Variants in WWOX observed in about 807,000 individuals in gnomAD.
WWOX encodes the protein WW domain-containing oxidoreductase.
Under a neutral mutation model 46.2 loss-of-function variants are expected in WWOX, and 69 were observed. The ratio of observed to expected loss-of-function variants is 1.49; its 90% CI spans 1.23 to 1.82. WWOX has a LOEUF of 1.82. Ranked by LOEUF, WWOX falls within the 40% of genes most tolerant of loss-of-function variation. The pLI is 0.00. For synonymous variants in WWOX, 359 were observed against 202.6 expected (o/e 1.77, Z -6.56); for missense variants, 919 against 542.6 (o/e 1.69, Z -6.89).
At chr16:79,157,022 C>T (rs976419412) in intron 8 of WWOX, among the ~76,000 whole-genome samples, 3 of 152,180 alleles carry the variant, frequency 2.0e-5, no homozygotes, top group Non-Finnish European at 2.9e-5. Flanking sequence ...GCACAGGGCA[C>T]ATGGTAAAAT....
intron 6 of WWOX, among the ~76,000 whole-genome samples, chr16:78,395,533 G>C (rs985754411): frequency 1.3e-5 from 2 of 151,994 alleles, no homozygotes; most frequent in African/African-American, 4.8e-5. Context: ...GAAAAAGAGA[G>C]AGAAGGGCAG....
At chr16:78,768,015 G>C (rs2142509383) in intron 8 of WWOX, among the ~76,000 whole-genome samples, 1 of 151,936 alleles carries the variant, frequency 6.6e-6, no homozygotes, top group South Asian at 2.1e-4. Flanking sequence ...GTAATTGAAA[G>C]AGACAGTTGT....
At chr16:78,734,542 A>G (rs1308968451) in intron 8 of WWOX, among the ~76,000 whole-genome samples, 6 of 152,144 alleles carry the variant, frequency 3.9e-5, no homozygotes, top group Admixed American at 3.3e-4. Flanking sequence ...CTTGGACCTC[A>G]CTGAACTTGA....
At chr16:78,443,669 C>G (rs1340727214) in intron 8 of WWOX, among the ~76,000 whole-genome samples, 1 of 152,172 alleles carries the variant, frequency 6.6e-6, no homozygotes, top group Non-Finnish European at 1.5e-5. Flanking sequence ...ATTTAATGAA[C>G]ATTTAACCAA....
intron 4 of WWOX, among the ~76,000 whole-genome samples, chr16:78,138,788 A>G (rs1268706671): frequency 4.6e-5 from 7 of 152,194 alleles, no homozygotes; most frequent in African/African-American, 1.7e-4. Context: ...GTCCCAGCGA[A>G]GTGCTTAATG....
intron 8 of WWOX, among the ~76,000 whole-genome samples, chr16:78,819,541 G>C (rs909573039): frequency 2.0e-5 from 3 of 152,160 alleles, no homozygotes; most frequent in Admixed American, 1.3e-4. Flanking sequence ...AAATGTGATG[G>C]CAGAACTGCC....
intron 8 of WWOX, among the ~76,000 whole-genome samples, chr16:79,170,291 G>A (rs985462647): frequency 6.6e-6 from 1 of 152,152 alleles, no homozygotes; most frequent in African/African-American, 2.4e-5. Flanking sequence ...TTATAGTTGA[G>A]GAAATAGAGG....
intron 6 of WWOX, among the ~76,000 whole-genome samples, chr16:78,408,162 C>T (rs577248456): frequency 8.5e-5 from 13 of 152,246 alleles, no homozygotes; most frequent in African/African-American, 2.4e-4. Flanking sequence ...GTTAAATCCT[C>T]GGACCAGATT....
At position 78,288,783 on chromosome 16, in the gene WWOX, G is replaced by C. The variant is rs138697879; in HGVS notation, c.517-98077G>C. Reference sequence around the variant, plus strand: ...GTCATAATTTATAGGCCCAGTCAGCGCATCATTGCTCAGATAGAGTCATTT... The same window carrying C: ...GTCATAATTTATAGGCCCAGTCAGCCCATCATTGCTCAGATAGAGTCATTT... On this transcript the variant is annotated intron_variant, in intron 5 of 8. Coordinates refer to ENST00000566780, the MANE Select transcript of WWOX (RefSeq NM_016373.4). 4.2e-3 allele frequency among the ~76,000 whole-genome samples: 632 copies of C among 152,170 alleles called. 7 individuals carry two copies. The highest frequency in any genetic ancestry group is 0.014 in the African/African-American group (595 of 41,500).
At chr16:78,912,206 C>T (rs970180751) in intron 8 of WWOX, among the ~76,000 whole-genome samples, 1 of 152,034 alleles carries the variant, frequency 6.6e-6, no homozygotes, top group Admixed American at 6.6e-5. Context: ...TTTATAGGAA[C>T]TGAACAAAGC....
At chr16:79,049,342 G>A (rs8043655) in intron 8 of WWOX, among the ~76,000 whole-genome samples, 12,659 of 152,242 alleles carry the variant, frequency 0.083, 763 homozygotes, top group African/African-American at 0.16. Flanking sequence ...TCACACTGGG[G>A]CAAACACAGG....
At chr16:78,625,087 A>T (rs1328838263) in intron 8 of WWOX, among the ~76,000 whole-genome samples, 1 of 152,202 alleles carries the variant, frequency 6.6e-6, no homozygotes, top group Non-Finnish European at 1.5e-5. Context: ...CACACATGGC[A>T]GGTCCCAAGC....
chr16:78,652,841 A>G (rs1373907311), intron 8 of WWOX, among the ~76,000 whole-genome samples: 1 of 152,212 alleles, frequency 6.6e-6, no homozygotes, highest in African/African-American at 2.4e-5. Flanking sequence ...AGTAAATTAT[A>G]TGATTGGACC....
intron 8 of WWOX, among the ~76,000 whole-genome samples, chr16:79,093,911 C>T (rs2049015701): frequency 1.3e-5 from 2 of 152,296 alleles, no homozygotes; most frequent in South Asian, 4.1e-4. Flanking sequence ...TCGCTCTCTC[C>T]TTCCAAGAGA....
At position 78,672,970 on chromosome 16, in the gene WWOX, G is replaced by C. The variant is rs562564527; in HGVS notation, c.1056+240218G>C. Among the ~76,000 whole-genome samples the C allele has an allele frequency of 3.3e-5, 5 of 152,360 alleles. No individual in the cohort carries two copies. The East Asian group carries it at 9.7e-4, about 29-fold the overall frequency. ...GCAATCCATAAGAGGGCAAGGCTGA[G>C]AGCCCCGGCCACCGCCGCCGTGTGT... On this transcript the variant is annotated intron_variant, in intron 8 of 8. Transcript: ENST00000566780.
intron 8 of WWOX, among the ~76,000 whole-genome samples, chr16:78,782,413 C>G (rs932416869): frequency 6.6e-6 from 1 of 152,296 alleles, no homozygotes; most frequent in Admixed American, 6.5e-5. Flanking sequence ...AAAGGTAGAG[C>G]TCTCTTATGC....
chr16:78,288,220 T>C (rs1008360002), intron 5 of WWOX, among the ~76,000 whole-genome samples: 4 of 151,882 alleles, frequency 2.6e-5, no homozygotes, highest in African/African-American at 9.7e-5. Flanking sequence ...ATGAACAATA[T>C]ATGATCAGTT....
chr16:78,630,002 C>T (rs1440446592), intron 8 of WWOX, among the ~76,000 whole-genome samples: 1 of 152,148 alleles, frequency 6.6e-6, no homozygotes, highest in Non-Finnish European at 1.5e-5. Context: ...TCTTCCCTGC[C>T]TTCTTTTTTT....
intron 8 of WWOX, among the ~76,000 whole-genome samples, chr16:78,736,473 C>T (rs569062241): frequency 1.3e-5 from 2 of 152,300 alleles, no homozygotes; most frequent in African/African-American, 4.8e-5. Flanking sequence ...CTCTCCTGAC[C>T]ACCGTTGGTG....
Sources: gnomAD v4.1 joint callset for allele counts (sites outside exome capture counted in the v4.1 genomes callset) on GRCh38, gnomAD v4.1.1 for gene constraint, MANE v1.5 for transcripts, NCBI Gene and HGNC (gene_info 2026-07-23, HGNC 2026-07-21) for gene names.